IL34: variants seen among roughly 807,000 people sequenced by gnomAD.
The protein encoded by IL34 is interleukin-34.
In IL34, 17 loss-of-function variants were observed where a neutral mutation model predicts 25.3. The ratio of observed to expected loss-of-function variants is 0.67; its 90% CI spans 0.46 to 1.01. IL34 has a LOEUF of 1.01. Ranked by LOEUF, IL34 falls within the 50% of genes least tolerant of loss-of-function variation. The pLI, the probability that IL34 is intolerant of heterozygous loss-of-function variation, is 0.00. For missense variants in IL34, 368 were observed against 312.9 expected (o/e 1.18, Z -1.33); for synonymous variants, 174 against 140.9 (o/e 1.23, Z -1.66).
chr16:70,598,691 AT>A (rs1348812613), intron 1 of IL34, among the ~76,000 whole-genome samples: 2 of 152,192 alleles, frequency 1.3e-5, no homozygotes, highest in African/African-American at 4.8e-5. Flanking sequence ...GTGAGCCGAG[AT>A]TGCACCACTG....
At chr16:70,596,135 G>T (rs562639584) in intron 1 of IL34, among the ~76,000 whole-genome samples, 2 of 152,152 alleles carry the variant, frequency 1.3e-5, no homozygotes, top group Non-Finnish European at 2.9e-5. Context: ...GTGGGCCCTT[G>T]TCCTAGGCGG....
At chr16:70,655,495 C>T (rs1018824487) in intron 2 of IL34, among the ~76,000 whole-genome samples, 1 of 151,992 alleles carries the variant, frequency 6.6e-6, no homozygotes, top group Admixed American at 6.6e-5. Flanking sequence ...TCAAATGATC[C>T]TCCCACCTCA....
chr16:70,599,676 CTTTT>C (rs199683652), intron 1 of IL34, among the ~76,000 whole-genome samples: 1 of 137,184 alleles, frequency 7.3e-6, no homozygotes, highest in Non-Finnish European at 1.6e-5. Context: ...TGCACCCGGT[CTTTT>C]TTTTTTTTTT....
intron 1 of IL34, among the ~76,000 whole-genome samples, chr16:70,592,236 C>G (rs2050764591): frequency 6.6e-6 from 1 of 152,184 alleles, no homozygotes; most frequent in Admixed American, 6.5e-5. Context: ...GGGCCAGGCA[C>G]TTTCCAGTGT....
At chr16:70,584,067 A>G (rs1597732032) in intron 1 of IL34, among the ~76,000 whole-genome samples, 1 of 152,202 alleles carries the variant, frequency 6.6e-6, no homozygotes, top group African/African-American at 2.4e-5. Flanking sequence ...GCCTTCCCTG[A>G]CCCAGCCGTA....
intron 1 of IL34, among the ~76,000 whole-genome samples, chr16:70,634,066 G>T (rs572526176): frequency 1.3e-5 from 2 of 152,054 alleles, no homozygotes; most frequent in South Asian, 4.2e-4. Flanking sequence ...GGCCAGGCTA[G>T]TCTCAAACAC....
At position 70,657,165 on chromosome 16, in the gene IL34, A is replaced by T. The variant is rs755110920; in HGVS notation, c.402+44A>T. 3.1e-6 allele frequency: 5 copies of T among 1,588,484 alleles called. 1 individual carries two copies. In the South Asian group the frequency reaches 5.7e-5, roughly 18 times the overall value. Reference sequence around the variant, plus strand: ...TGGCAGGTGGGGTGTGTGTGTGTGCACACGTGTGTACATGTGTGTGAGGTG... The same window carrying T: ...TGGCAGGTGGGGTGTGTGTGTGTGCTCACGTGTGTACATGTGTGTGAGGTG... On this transcript the variant is annotated intron_variant, in intron 4 of 5. Coordinates refer to ENST00000288098, the MANE Select transcript of IL34 (RefSeq NM_001393494.1).
chr16:70,604,655 A>T (rs1042720157), intron 1 of IL34, among the ~76,000 whole-genome samples: 1 of 152,226 alleles, frequency 6.6e-6, no homozygotes, highest in African/African-American at 2.4e-5. Flanking sequence ...AATCCCTGGC[A>T]GTGGATCAGC....
At chr16:70,629,617 T>C (rs1223980932) in intron 1 of IL34, among the ~76,000 whole-genome samples, 1 of 152,184 alleles carries the variant, frequency 6.6e-6, no homozygotes, top group Non-Finnish European at 1.5e-5. Context: ...GTTGTTATAC[T>C]ATATTGTTTG....
At chr16:70,585,098 C>T (rs2050676236) in intron 1 of IL34, among the ~76,000 whole-genome samples, 1 of 152,160 alleles carries the variant, frequency 6.6e-6, no homozygotes, top group African/African-American at 2.4e-5. Context: ...TTAAATGACT[C>T]CCCAAACTCC....
chr16:70,637,998 T>C (rs2051694932), intron 1 of IL34, among the ~76,000 whole-genome samples: 1 of 152,212 alleles, frequency 6.6e-6, no homozygotes, highest in Non-Finnish European at 1.5e-5. Flanking sequence ...TAAACAGCAG[T>C]GCAATGGATA....
At chr16:70,605,530 C>T (rs1429323378) in intron 1 of IL34, among the ~76,000 whole-genome samples, 2 of 152,206 alleles carry the variant, frequency 1.3e-5, no homozygotes, top group Non-Finnish European at 2.9e-5. Flanking sequence ...CTCCCCAGCC[C>T]TGGTAACCTC....
intron 1 of IL34, among the ~76,000 whole-genome samples, chr16:70,651,303 C>T (rs1258924929): frequency 6.6e-6 from 1 of 152,058 alleles, no homozygotes; most frequent in Non-Finnish European, 1.5e-5. Context: ...AGAGTAGATG[C>T]TAAGCTGAGG....
chr16:70,612,121 C>CA (rs1054273259), intron 1 of IL34, among the ~76,000 whole-genome samples: 7 of 152,348 alleles, frequency 4.6e-5, no homozygotes, highest in Non-Finnish European at 7.3e-5. Context: ...CCAGGAGAGC[C>CA]AGCCTCCAAC....
At chr16:70,650,727 C>G (rs2052057425) in intron 1 of IL34, among the ~76,000 whole-genome samples, 1 of 152,220 alleles carries the variant, frequency 6.6e-6, no homozygotes, top group Non-Finnish European at 1.5e-5. Flanking sequence ...ACAGCTTTAC[C>G]TGGGACCTTG....
intron 1 of IL34, among the ~76,000 whole-genome samples, chr16:70,603,477 C>T (rs977508902): frequency 6.6e-6 from 1 of 152,092 alleles, no homozygotes; most frequent in African/African-American, 2.4e-5. Flanking sequence ...TGGGGTTTCT[C>T]ACGTTGGTCA....
chr16:70,633,307 G>A (rs550438741), intron 1 of IL34, among the ~76,000 whole-genome samples: 2 of 151,506 alleles, frequency 1.3e-5, no homozygotes, highest in African/African-American at 4.8e-5. Context: ...ATGCTGGAGT[G>A]CAGTGACAGG....
chr16:70,598,463 G>T (rs1056351935), intron 1 of IL34, among the ~76,000 whole-genome samples: 1 of 152,174 alleles, frequency 6.6e-6, no homozygotes, highest in African/African-American at 2.4e-5. Context: ...TTTTGGCTGG[G>T]CGCAGTGGCT....
At chr16:70,621,344 G>A (rs895156079) in intron 1 of IL34, among the ~76,000 whole-genome samples, 5 of 152,212 alleles carry the variant, frequency 3.3e-5, no homozygotes, top group South Asian at 2.1e-4. Flanking sequence ...TGTCTCCTTC[G>A]TCTCTCCCAG....
Sources: gnomAD v4.1 joint callset for allele counts (sites outside exome capture counted in the v4.1 genomes callset) on GRCh38, gnomAD v4.1.1 for gene constraint, MANE v1.5 for transcripts, NCBI Gene and HGNC (gene_info 2026-07-23, HGNC 2026-07-21) for gene names.